OR52A5: variants seen among roughly 807,000 people sequenced by gnomAD.
OR52A5 encodes the protein olfactory receptor family 52 subfamily A member 5, also known as olfactory receptor 52A5.
A neutral mutation model predicts 18.2 loss-of-function variants in OR52A5; 16 were observed. The observed-to-expected ratio is 0.88, with a 90% CI of 0.60 to 1.34. The LOEUF (loss-of-function observed/expected upper bound fraction) is 1.34, where lower values mean the gene tolerates loss of function less well. Ranked by LOEUF, OR52A5 falls within the 40% of genes most tolerant of loss-of-function variation. The pLI is 0.00. For synonymous variants in OR52A5, 140 were observed against 137.2 expected (o/e 1.02, Z -0.14); for missense variants, 418 against 383.0 (o/e 1.09, Z -0.76).
intron 1 of OR52A5, among the ~76,000 whole-genome samples, chr11:5,133,935 T>C (rs1057493098): frequency 6.6e-6 from 1 of 152,166 alleles, no homozygotes; most frequent in African/African-American, 2.4e-5. Flanking sequence ...AAGGTGAAGA[T>C]TTTCTTTGGC....
At position 5,131,433 on chromosome 11, in the gene OR52A5, T is replaced by C. The variant is rs574995258; in HGVS notation, c.*259A>G. On this transcript the variant is annotated 3_prime_UTR_variant, in exon 2 of 2. Transcript: ENST00000307388. ...TAGTCATTGGTTGCATTACATAAGT[T>C]TTATGTTGTAGATATCGGTATTACT... 1.2e-3 allele frequency: 281 copies of C among 240,502 alleles called. 1 individual carries two copies. The highest frequency in any genetic ancestry group is 1.1e-3 in the Non-Finnish European group (134 of 122,724). The allele number at this position is 240,502 out of a possible 1,614,324, so 14.9% of individuals were successfully genotyped here. A position where few individuals can be genotyped will look rare whatever the true frequency, so the allele number is the denominator to read the frequency against.
At chr11:5,135,854 AC>A (rs1846388290) in intron 1 of OR52A5, among the ~76,000 whole-genome samples, 1 of 152,140 alleles carries the variant, frequency 6.6e-6, no homozygotes, top group South Asian at 2.1e-4. Flanking sequence ...CACCCAGACT[AC>A]CTTGGGCACA....
chr11:5,133,241 G>A (rs894742907), intron 1 of OR52A5, among the ~76,000 whole-genome samples: 25 of 151,718 alleles, frequency 1.6e-4, no homozygotes, highest in Non-Finnish European at 2.7e-4. Flanking sequence ...GGTGGCAGGC[G>A]CCTGTAGTCC....
chr11:5,138,151 C>G (rs1166613468), intron 1 of OR52A5, 160 bp downstream of exon 1: 1 of 152,180 alleles, frequency 6.6e-6, no homozygotes, highest in African/African-American at 2.4e-5. Context: ...GCATGAGATA[C>G]CATGAGACAT....
chr11:5,130,311 CACTT>C lies in OR52A5; in HGVS notation c.*1377_*1380del, dbSNP rs1428263727. The C allele has an allele frequency of 2.6e-5, 4 of 151,926 alleles. No individual in the cohort carries two copies. The highest frequency in any genetic ancestry group is 4.1e-4 in the South Asian group (2 of 4,824). The allele number at this position is 151,926 out of a possible 1,614,324, so 9.4% of individuals were successfully genotyped here. On this transcript the variant is annotated 3_prime_UTR_variant, in exon 2 of 2. Coordinates refer to ENST00000307388, the MANE Select transcript of OR52A5 (RefSeq NM_001005160.3). ...GTTTTGGTTTCTTATTTAGGAGTAT[CACTT>C]ACTTATTATCTTCATTCTTTATCCT...
Position 5,132,217 on chromosome 11 carries a change from G to C in OR52A5, c.426C>G (p.Phe142Leu), listed in dbSNP as rs1846345857. The change falls in exon 2 of 2, where the codon TTC becomes TTG. Residue 142 changes from phenylalanine (F) to leucine (L), a missense_variant. Phe to Leu is a conservative substitution (Grantham distance 22). Transcript: ENST00000307388. Reference protein sequence around the residue: ...LRHATIFSQQFLTHIGLGVTL... With the variant: ...LRHATIFSQQLLTHIGLGVTL... ...TCACCCCAAGTCCAATATGAGTTAAGAACTGCTGGGAAAAGATGGTGGCAT... is the reference window on the plus strand; with the variant it reads ...TCACCCCAAGTCCAATATGAGTTAACAACTGCTGGGAAAAGATGGTGGCAT... 1 of 1,613,986 alleles carries C rather than the reference G, an allele frequency of 6.2e-7. No individual in the cohort carries two copies. The highest frequency in any genetic ancestry group is 1.3e-5 in the African/African-American group (1 of 74,906).
Position 5,132,160 on chromosome 11 carries a change from G to C in OR52A5, c.483C>G (p.Ser161=), listed in dbSNP as rs1453837989. Residue 161 remains serine, a synonymous_variant, in exon 2 of 2, where the codon TCC becomes TCG. Transcript: ENST00000307388. ...TLRAAILIIP[S]LGLIKCCLKH... is the part of the protein sequence containing the mutation. ...TCAGACAGCATTTGATGAGCCCTAA[G>C]GAAGGTATTATAAGAATGGCAGCCC... 6.2e-7 allele frequency: 1 copy of C among 1,613,994 alleles called. No homozygotes were observed. Among genetic ancestry groups the C allele is most frequent in the African/African-American group, 1.3e-5 (1 of 74,918 alleles).
At chr11:5,135,536 G>A (rs536354341) in intron 1 of OR52A5, among the ~76,000 whole-genome samples, 2 of 152,290 alleles carry the variant, frequency 1.3e-5, no homozygotes, top group East Asian at 3.9e-4. Flanking sequence ...GAAGGGAAGT[G>A]GGGGTGAGAC....
chr11:5,132,660 C>T lies in OR52A5; in HGVS notation c.-18G>A, dbSNP rs755641123. The T allele has an allele frequency of 3.3e-6, 5 of 1,505,904 alleles. No homozygotes were observed. Among genetic ancestry groups the T allele is most frequent in the Non-Finnish European group, 4.5e-6 (5 of 1,107,520 alleles). The allele number at this position is 1,505,904 out of a possible 1,614,324, so 93.3% of individuals were successfully genotyped here. On this transcript the variant is annotated 5_prime_UTR_variant, in exon 2 of 2. Coordinates refer to ENST00000307388, the MANE Select transcript of OR52A5 (RefSeq NM_001005160.3). ...GTCGGCATGATTTGTTCATCAGAAT[C>T]AAGTGGTAGATTTGCTGTTTCATCT...
Position 5,129,851 on chromosome 11 carries a change from A to C in OR52A5, c.*1841T>G, listed in dbSNP as rs778725084. Reference sequence around the variant, plus strand: ...CTGTACTCCATGTGGAAATTGCTTCAGCTGGGGTTTCTTTAGCAGAGAACA... The same window carrying C: ...CTGTACTCCATGTGGAAATTGCTTCCGCTGGGGTTTCTTTAGCAGAGAACA... On this transcript the variant is annotated 3_prime_UTR_variant, in exon 2 of 2. Coordinates refer to ENST00000307388, the MANE Select transcript of OR52A5 (RefSeq NM_001005160.3). The C allele has an allele frequency of 6.6e-6, 1 of 152,184 alleles. No individual in the cohort carries two copies. The highest frequency in any genetic ancestry group is 6.6e-5 in the Admixed American group (1 of 15,262). The allele number at this position is 152,184 out of a possible 1,614,324, so 9.4% of individuals were successfully genotyped here. A position where few individuals can be genotyped will look rare whatever the true frequency, so the allele number is the denominator to read the frequency against.
Position 5,130,384 on chromosome 11 carries a change from T to C in OR52A5, c.*1308A>G, listed in dbSNP as rs867235126. ...CTGAAAGAATTCATATATTTATGAT[T>C]TTTTTTTCTTTTGGGAGAATGACTC... On this transcript the variant is annotated 3_prime_UTR_variant, in exon 2 of 2. Coordinates refer to ENST00000307388, the MANE Select transcript of OR52A5 (RefSeq NM_001005160.3). 1 of 151,994 alleles carries C rather than the reference T, an allele frequency of 6.6e-6. No homozygotes were observed. The highest frequency in any genetic ancestry group is 1.9e-4 in the East Asian group (1 of 5,198). The allele number at this position is 151,994 out of a possible 1,614,324, so 9.4% of individuals were successfully genotyped here.
At position 5,132,544 on chromosome 11, in the gene OR52A5, G is replaced by A; in HGVS notation, c.99C>T (p.Phe33=). ...TCACACCAATAAGATACATGGCAGA[G>A]AAAGGAATCCCAATCCAACACTGCA... ...ESVQCWIGIP[F]SAMYLIGVIG... The change falls in exon 2 of 2, where the codon TTC becomes TTT. Residue 33 remains phenylalanine, a synonymous_variant. Transcript: ENST00000307388. 6.2e-7 allele frequency: 1 copy of A among 1,613,938 alleles called. No homozygotes were observed.
chr11:5,135,042 T>C (rs1846378908), intron 1 of OR52A5, among the ~76,000 whole-genome samples: 1 of 151,876 alleles, frequency 6.6e-6, no homozygotes, highest in African/African-American at 2.4e-5. Context: ...GCCTGGCTAA[T>C]TTTTTGTATT....
In OR52A5 at chr11:5,130,305, G is replaced by C. The variant is rs1846324082; in HGVS notation, c.*1387C>G. On this transcript the variant is annotated 3_prime_UTR_variant, in exon 2 of 2. Transcript: ENST00000307388. ...TTGTTTGTTTTGGTTTCTTATTTAG[G>C]AGTATCACTTACTTATTATCTTCAT... The C allele has an allele frequency of 6.6e-6, 1 of 151,808 alleles. No individual in the cohort carries two copies. Among genetic ancestry groups the C allele is most frequent in the Non-Finnish European group, 1.5e-5 (1 of 67,896 alleles). 9.4% of individuals were successfully genotyped at this position (151,808 alleles called of 1,614,324 possible). A position where few individuals can be genotyped will look rare whatever the true frequency, so the allele number is the denominator to read the frequency against.
In OR52A5 at chr11:5,132,170, A is replaced by G. The variant is rs73396832; in HGVS notation, c.473T>C (p.Ile158Thr). The change falls in exon 2 of 2, where the codon ATA becomes ACA. Residue 158 changes from isoleucine (I) to threonine (T), a missense_variant. Transcript: ENST00000307388. ...TTTGATGAGCCCTAAGGAAGGTATT[A>G]TAAGAATGGCAGCCCTGAGTGTCAC... Reference protein sequence around the residue: ...LGVTLRAAILIIPSLGLIKCC... With the variant: ...LGVTLRAAILTIPSLGLIKCC... 1,046 of 1,614,178 alleles carry G rather than the reference A, an allele frequency of 6.5e-4. 7 individuals are homozygous for G. The African/African-American group carries it at 0.012, about 19-fold the overall frequency.
Position 5,131,953 on chromosome 11 carries a change from C to A in OR52A5, c.690G>T (p.Gln230His), listed in dbSNP as rs749442610. Residue 230 changes from glutamine to histidine, a missense_variant, in exon 2 of 2, where the codon CAG becomes CAT. Physicochemically the swap from Gln to His is conservative, Grantham distance 24 (BLOSUM62 0). Coordinates refer to ENST00000307388, the MANE Select transcript of OR52A5 (RefSeq NM_001005160.3). The part of the protein sequence containing the change: ...SYVQIFITVF[Q>H]LPQKEARFKA... Reference sequence around the variant, plus strand: ...TGAATCGTGCCTCCTTCTGGGGCAGCTGAAAGACAGTGATAAAAATTTGGA... The same window carrying A: ...TGAATCGTGCCTCCTTCTGGGGCAGATGAAAGACAGTGATAAAAATTTGGA... 2.5e-6 allele frequency: 4 copies of A among 1,614,094 alleles called. No homozygotes were observed. The Admixed American group carries it at 5.0e-5, about 20-fold the overall frequency.
intron 1 of OR52A5, among the ~76,000 whole-genome samples, chr11:5,134,602 C>T (rs1165935500): frequency 1.3e-5 from 2 of 151,956 alleles, no homozygotes; most frequent in East Asian, 3.9e-4. Context: ...CTACATTTTG[C>T]TGAATGTGTG....
chr11:5,137,516 C>CTT (rs1393539953), intron 1 of OR52A5, among the ~76,000 whole-genome samples: 5 of 145,140 alleles, frequency 3.4e-5, no homozygotes, highest in Admixed American at 1.4e-4. Context: ...CCCTCTCTCT[C>CTT]TTTTTTTTTT....
chr11:5,132,886 A>G (rs901958824), intron 1 of OR52A5, among the ~76,000 whole-genome samples, 184 bp from the exon 2 acceptor site: 1 of 152,172 alleles, frequency 6.6e-6, no homozygotes, highest in African/African-American at 2.4e-5. Flanking sequence ...ATCATTTTCA[A>G]TGGGCAAAAT....
Sources: gnomAD v4.1 joint callset for allele counts (sites outside exome capture counted in the v4.1 genomes callset) on GRCh38, gnomAD v4.1.1 for gene constraint, MANE v1.5 for transcripts, NCBI Gene and HGNC (gene_info 2026-07-23, HGNC 2026-07-21) for gene names.